The following MAGED1 variants were observed in gnomAD, a reference collection of about 807,000 sequenced individuals.
MAGED1 encodes the protein melanoma-associated antigen D1.
Under a neutral mutation model 54.1 loss-of-function variants are expected in MAGED1, and 3 were observed. The observed-to-expected ratio is 0.06, with a 90% CI of 0.03 to 0.14. The LOEUF is 0.14. MAGED1 is among the 10% of genes least tolerant of loss of function. The pLI is 1.00. For synonymous variants in MAGED1, 217 were observed against 227.3 expected (o/e 0.95, Z 0.41); for missense variants, 485 against 623.4 (o/e 0.78, Z 2.36).
chrX:51,897,826 A>G lies in MAGED1; in HGVS notation c.1598A>G (p.Lys533Arg). The change falls in exon 7 of 13, where the codon AAA becomes AGA. Residue 533 changes from lysine (K) to arginine (R), a missense_variant. This residue lies in a region of MAGED1 where 186 missense variants were observed against 330.3 expected (regional missense o/e 0.56). Coordinates refer to ENST00000326587, the MANE Select transcript of MAGED1 (RefSeq NM_006986.4). ...GGGATTCAACTGAAAGAAATTGACA[A>G]AGAAGAACACCTGTATATTCTCATC... is the stretch of plus-strand genomic sequence containing the variant. ...KFGIQLKEID[K>R]EEHLYILIST... 2 of 1,207,529 alleles carry G rather than the reference A, an allele frequency of 1.7e-6. No individual in the cohort carries two copies. The highest frequency in any genetic ancestry group is 3.0e-5 in the East Asian group (1 of 33,777).
intron 1 of MAGED1, among the ~76,000 whole-genome samples, chrX:51,822,135 A>G (rs1557356584): frequency 1.8e-5 from 2 of 111,617 alleles, no homozygotes; most frequent in African/African-American, 6.5e-5. Context: ...CCCTCCTTTT[A>G]AGGAGTTTGT....
Position 51,895,338 on chromosome X carries a change from G to C in MAGED1, c.331G>C (p.Ala111Pro), listed in dbSNP as rs1928694175. ...TGTGCCCAACACGCAGCCCAAGGCAGCCTTTAAGTCCCAAAATGCTACCCC... is the reference window on the plus strand; with the variant it reads ...TGTGCCCAACACGCAGCCCAAGGCACCCTTTAAGTCCCAAAATGCTACCCC... ...KDVPNTQPKA[A>P]FKSQNATPKG... The change falls in exon 3 of 13, where the codon GCC becomes CCC. Residue 111 changes from alanine (A) to proline (P), a missense_variant. This residue lies in a region of MAGED1 where 299 missense variants were observed against 293.1 expected (regional missense o/e 1.02). Transcript: ENST00000326587. 2.5e-6 allele frequency: 3 copies of C among 1,210,302 alleles called. No homozygotes were observed. The highest frequency in any genetic ancestry group is 3.4e-6 in the Non-Finnish European group (3 of 894,756).
In MAGED1 at chrX:51,829,610, A is replaced by G. The variant is rs782759778; in HGVS notation, c.-37+26493A>G. Among the ~76,000 whole-genome samples the G allele has an allele frequency of 4.5e-5, 5 of 111,338 alleles. No homozygotes were observed. The East Asian group carries it at 1.1e-3, about 25-fold the overall frequency. ...GAAACAGAATGTATAAAGAATGCCT[A>G]TAAATCAATGATAAACCATCCAATC... is the stretch of plus-strand genomic sequence containing the variant. On this transcript the variant is annotated intron_variant, in intron 1 of 12. Transcript: ENST00000375772.
At chrX:51,837,240 C>T (rs188139155) in intron 1 of MAGED1, among the ~76,000 whole-genome samples, 6 of 112,027 alleles carry the variant, frequency 5.4e-5, no homozygotes, top group African/African-American at 1.9e-4. Context: ...CCATCTTGCC[C>T]AGAAGTGCAA....
At chrX:51,883,199 A>C (rs1221456505) in intron 1 of MAGED1, among the ~76,000 whole-genome samples, 1 of 111,166 alleles carries the variant, frequency 9.0e-6, no homozygotes, top group Non-Finnish European at 1.9e-5. Flanking sequence ...TGGGGAGCCT[A>C]GATTTCCACC....
intron 1 of MAGED1, among the ~76,000 whole-genome samples, chrX:51,876,392 G>A (rs1352293405): frequency 7.2e-5 from 8 of 110,680 alleles, no homozygotes; most frequent in Non-Finnish European, 1.5e-4. Flanking sequence ...GTAATCATGA[G>A]AAATTTCAAC....
intron 11 of MAGED1, among the ~76,000 whole-genome samples, chrX:51,900,789 T>C (rs1928986890): frequency 9.0e-6 from 1 of 110,794 alleles, no homozygotes; most frequent in Admixed American, 9.6e-5. Context: ...GCCACCACCA[T>C]GCCTGGCTAA....
chrX:51,822,092 C>T (rs1925658245), intron 1 of MAGED1, among the ~76,000 whole-genome samples: 1 of 111,620 alleles, frequency 9.0e-6, no homozygotes, highest in Non-Finnish European at 1.9e-5. Flanking sequence ...ATACTGGCCT[C>T]ACAGAATAAG....
chrX:51,816,670 C>T (rs1925440392), intron 1 of MAGED1, among the ~76,000 whole-genome samples: 1 of 110,226 alleles, frequency 9.1e-6, no homozygotes, highest in Admixed American at 9.7e-5. Flanking sequence ...GATGAAATCA[C>T]CTAATGACAC....
At chrX:51,878,119 C>T (rs1446781867) in intron 1 of MAGED1, among the ~76,000 whole-genome samples, 1 of 111,331 alleles carries the variant, frequency 9.0e-6, no homozygotes, top group Non-Finnish European at 1.9e-5. Context: ...ACCAGAAGCT[C>T]ACATGGTAAG....
At chrX:51,875,923 G>A (rs1316705377) in intron 1 of MAGED1, among the ~76,000 whole-genome samples, 1 of 111,526 alleles carries the variant, frequency 9.0e-6, no homozygotes, top group African/African-American at 3.3e-5. Flanking sequence ...TCACAGGATT[G>A]GTTCCCAGCC....
chrX:51,840,680 T>C (rs1926431418), intron 1 of MAGED1, among the ~76,000 whole-genome samples: 1 of 105,401 alleles, frequency 9.5e-6, no homozygotes, highest in Non-Finnish European at 2.0e-5. Context: ...TGAGAACATG[T>C]GGTGTTTGGT....
chrX:51,852,883 G>A (rs1157240046), intron 1 of MAGED1, among the ~76,000 whole-genome samples: 2 of 111,592 alleles, frequency 1.8e-5, no homozygotes, highest in Non-Finnish European at 3.8e-5. Context: ...TGGCAGAAAT[G>A]GAGAAAAAGC....
chrX:51,804,174 A>G (rs1924953241), intron 1 of MAGED1, among the ~76,000 whole-genome samples: 1 of 112,101 alleles, frequency 8.9e-6, no homozygotes, highest in South Asian at 3.7e-4. Context: ...TGAGAACATT[A>G]GTTATTAAAT....
chrX:51,894,997 C>T lies in MAGED1; in HGVS notation c.46-56C>T. On this transcript the variant is annotated intron_variant, in intron 2 of 12. Coordinates refer to ENST00000326587, the MANE Select transcript of MAGED1 (RefSeq NM_006986.4). ...TGCCACCCGGGCTCCCTATTCCCAC[C>T]CCACCTCCTGCCTCAGAGGCCCAGA... 4.7e-6 allele frequency: 5 copies of T among 1,055,349 alleles called. No homozygotes were observed. The South Asian group carries it at 9.0e-5, about 19-fold the overall frequency. 87.0% of individuals were successfully genotyped at this position (1,055,349 alleles called of 1,213,427 possible). A position where few individuals can be genotyped will look rare whatever the true frequency, so the allele number is the denominator to read the frequency against.
chrX:51,870,810 G>T lies in MAGED1; in HGVS notation c.-36-23459G>T. ...GTGTTTGTGCTGCCAAAGCAAGCAC[G>T]GCTTTTCTTAATCCTATCAAATATT... On this transcript the variant is annotated intron_variant, in intron 1 of 12. Transcript: ENST00000375772. The T allele has an allele frequency of 2.7e-5, 3 of 112,700 alleles. 1 individual carries two copies. In the Middle Eastern group the frequency reaches 0.014, roughly 515 times the overall value. The allele number at this position is 112,700 out of a possible 1,213,427, so 9.3% of individuals were successfully genotyped here.
chrX:51,860,859 A>G (rs1257956984), intron 1 of MAGED1, among the ~76,000 whole-genome samples: 7 of 110,911 alleles, frequency 6.3e-5, no homozygotes, highest in Non-Finnish European at 1.3e-4. Flanking sequence ...GAGATACAGC[A>G]TTCTTGTTCT....
At chrX:51,878,288 C>T (rs1483151407) in intron 1 of MAGED1, among the ~76,000 whole-genome samples, 1 of 110,988 alleles carries the variant, frequency 9.0e-6, no homozygotes, top group African/African-American at 3.3e-5. Flanking sequence ...GGGAATTGTG[C>T]AATATGAAGG....
At chrX:51,804,062 C>T (rs782276479) in intron 1 of MAGED1, among the ~76,000 whole-genome samples, 1 of 112,146 alleles carries the variant, frequency 8.9e-6, no homozygotes, top group Non-Finnish European at 1.9e-5. Flanking sequence ...ATTTTGCAGA[C>T]GAAGACTTTT....
Sources: allele counts gnomAD v4.1 joint callset (sites outside exome capture counted in the v4.1 genomes callset), GRCh38; gene constraint gnomAD v4.1.1; regional missense constraint gnomAD v4.1.1; transcripts MANE v1.5; gene names NCBI Gene and HGNC (gene_info 2026-07-23, HGNC 2026-07-21).